The following SLC6A8 variants were observed in gnomAD, a reference collection of about 807,000 sequenced individuals.
SLC6A8 encodes the protein sodium- and chloride-dependent creatine transporter 1.
Under a neutral mutation model 48.3 loss-of-function variants are expected in SLC6A8, and 6 were observed. The ratio of observed to expected loss-of-function variants is 0.12; its 90% CI spans 0.07 to 0.25. The LOEUF is 0.25. Ranked by LOEUF, SLC6A8 falls within the 10% of genes least tolerant of loss-of-function variation. The pLI is 1.00. For missense variants in SLC6A8, 260 were observed against 551.5 expected (o/e 0.47, Z 5.29); for synonymous variants, 245 against 244.0 (o/e 1.00, Z -0.04).
chrX:153,688,852 C>T lies in SLC6A8; in HGVS notation c.262+16C>T, dbSNP rs1557043870. 1 of 1,057,022 alleles carries T rather than the reference C, an allele frequency of 9.5e-7. No homozygotes were observed. Among genetic ancestry groups the T allele is most frequent in the Non-Finnish European group, 1.2e-6 (1 of 801,142 alleles). 87.1% of individuals were successfully genotyped at this position (1,057,022 alleles called of 1,213,427 possible). On this transcript the variant is annotated intron_variant, in intron 1 of 12. Coordinates refer to ENST00000253122, the MANE Select transcript of SLC6A8 (RefSeq NM_005629.4). ...AACGGCGGAGGTGAGTTCCCCCGCCCGCCGCGGCCTCCTCCCCCAGCAGGC... is the reference window on the plus strand; with the variant it reads ...AACGGCGGAGGTGAGTTCCCCCGCCTGCCGCGGCCTCCTCCCCCAGCAGGC...
At position 153,692,192 on chromosome X, in the gene SLC6A8, G is replaced by A. The variant is rs2091459720; in HGVS notation, c.777+85G>A. The A allele has an allele frequency of 7.2e-6, 7 of 978,832 alleles. No homozygotes were observed. In the Middle Eastern group the frequency reaches 1.3e-3, roughly 181 times the overall value. The allele number at this position is 978,832 out of a possible 1,213,427, so 80.7% of individuals were successfully genotyped here. On this transcript the variant is annotated intron_variant, in intron 4 of 12. Transcript: ENST00000253122. ...CCAGGCACACCTGTGGCAACGGGAG[G>A]TGACCAGACAGAGTCTAGCCCTAAG...
At chrX:153,693,208 G>T in intron 5 of SLC6A8, 33 bp downstream of exon 5, 9 of 1,209,033 alleles carry the variant, frequency 7.4e-6, no homozygotes, top group Non-Finnish European at 1.0e-5. Context: ...GCAGCAGGGC[G>T]CTGCGGGGGA....
chrX:153,693,823 C>T (rs782292659), intron 7 of SLC6A8, 82 bp from the exon 8 acceptor site: 21 of 882,977 alleles, frequency 2.4e-5, no homozygotes, highest in East Asian at 1.4e-4. Flanking sequence ...TGGGCATGGG[C>T]GCGAGTGTTG....
At chrX:153,694,103 G>C (rs782145329) in intron 8 of SLC6A8, 27 bp from the exon 9 acceptor site, 24 of 1,206,907 alleles carry the variant, frequency 2.0e-5, no homozygotes, top group Admixed American at 2.0e-4. Flanking sequence ...GCGGTGCGGG[G>C]CTCGGCCTGA....
intron 11 of SLC6A8, 29 bp downstream of exon 11, chrX:153,694,662 G>A (rs376387588): frequency 1.7e-4 from 203 of 1,193,468 alleles, no homozygotes; most frequent in African/African-American, 2.3e-4. Context: ...GGGGCAGGGC[G>A]GGGGGCGAGG....
rs1557043838 is a variant in SLC6A8, at chrX:153,688,720, T to C, written c.146T>C (p.Val49Ala). 1.8e-6 allele frequency: 2 copies of C among 1,132,167 alleles called. No homozygotes were observed. 93.3% of individuals were successfully genotyped at this position (1,132,167 alleles called of 1,213,427 possible). A position where few individuals can be genotyped will look rare whatever the true frequency, so the allele number is the denominator to read the frequency against. Residue 49 changes from valine to alanine, a missense_variant, in exon 1 of 13, where the codon GTG becomes GCG. Physicochemically the swap from Val to Ala is moderately conservative, Grantham distance 64 (BLOSUM62 0). This residue lies in a region of SLC6A8 where 50 missense variants were observed against 55.1 expected (regional missense o/e 0.91). Coordinates refer to ENST00000253122, the MANE Select transcript of SLC6A8 (RefSeq NM_005629.4). The part of the protein sequence containing the change: ...GLGTPGGRLA[V>A]PPRETWTRQM... Reference sequence around the variant, plus strand: ...GGGACACCCGGCGGCCGCCTGGCCGTGCCGCCGCGCGAGACCTGGACGCGC... The same window carrying C: ...GGGACACCCGGCGGCCGCCTGGCCGCGCCGCCGCGCGAGACCTGGACGCGC...
At chrX:153,692,153 G>T in intron 4 of SLC6A8, 46 bp downstream of exon 4, 1 of 1,163,457 alleles carries the variant, frequency 8.6e-7, no homozygotes, top group Non-Finnish European at 1.2e-6. Context: ...AGCCCTGGGA[G>T]CCGGATGTCT....
intron 3 of SLC6A8, among the ~76,000 whole-genome samples, 166 bp downstream of exon 3, chrX:153,691,719 G>A (rs1222656235): frequency 8.9e-6 from 1 of 112,879 alleles, no homozygotes; most frequent in African/African-American, 3.2e-5. Flanking sequence ...GGCCAGCCTC[G>A]CTCCTGGGTT....
rs1299909544 is a variant in SLC6A8 at position 153,695,483 on chromosome X, C to T, written c.*269C>T. 4.3e-5 allele frequency: 17 copies of T among 390,987 alleles called. No homozygotes were observed. The highest frequency in any genetic ancestry group is 6.3e-5 in the Non-Finnish European group (14 of 221,697). The allele number at this position is 390,987 out of a possible 1,213,427, so 32.2% of individuals were successfully genotyped here. A position where few individuals can be genotyped will look rare whatever the true frequency, so the allele number is the denominator to read the frequency against. On this transcript the variant is annotated 3_prime_UTR_variant, in exon 13 of 13. Transcript: ENST00000253122. The stretch of plus-strand genomic sequence containing the variant: ...TAGGCCCCGCCTAGTGCCCCACCCC[C>T]ACCCACAGTGCTGCACTCCTCCTGC...
chrX:153,688,543 AC>A lies in SLC6A8; in HGVS notation c.-28del, dbSNP rs1374260374. 2 of 826,493 alleles carry A rather than the reference AC, an allele frequency of 2.4e-6. No homozygotes were observed. The highest frequency in any genetic ancestry group is 1.3e-4 in the Admixed American group (2 of 15,946). The allele number at this position is 826,493 out of a possible 1,213,427, so 68.1% of individuals were successfully genotyped here. On this transcript the variant is annotated 5_prime_UTR_variant, in exon 1 of 13. Transcript: ENST00000253122. ...CCGCCGCCCCCCGTGAGGCGCCGCGACCCCGGCCCGGCCGTGCGGCCCGCCG... is the reference window on the plus strand; with the variant it reads ...CCGCCGCCCCCCGTGAGGCGCCGCGACCCGGCCCGGCCGTGCGGCCCGCCG...
At chrX:153,692,683 A>G (rs1557044782) in intron 4 of SLC6A8, 1 of 360,580 alleles carries the variant, frequency 2.8e-6, no homozygotes. Context: ...CCCGGATCCA[A>G]TATCCCGCTC....
At chrX:153,692,702 G>A (rs1603216277) in intron 4 of SLC6A8, 1 of 376,633 alleles carries the variant, frequency 2.7e-6, no homozygotes, top group Non-Finnish European at 5.0e-6. Flanking sequence ...TCCCTGCCTG[G>A]GCCTCCCACA....
At position 153,693,433 on chromosome X, in the gene SLC6A8, C is replaced by T. The variant is rs782329134; in HGVS notation, c.1017-29C>T. On this transcript the variant is annotated intron_variant, in intron 6 of 12. Transcript: ENST00000253122. ...GCCCCGCCCTGCCCAGCAGCCTAAC[C>T]CATCCACTCTGGCCCCTCCACCCCT... 18 of 1,209,117 alleles carry T rather than the reference C, an allele frequency of 1.5e-5. No individual in the cohort carries two copies. In the South Asian group the frequency reaches 3.2e-4, roughly 21 times the overall value.
chrX:153,690,892 A>ACCCCCCCCCCC (rs34305716), intron 2 of SLC6A8: 4 of 139,211 alleles, frequency 2.9e-5, no homozygotes, highest in African/African-American at 2.2e-4. Context: ...GCGACTAGAA[A>ACCCCCCCCCCC]CCCCCCCCCC....
chrX:153,693,404 C>T, intron 6 of SLC6A8, 38 bp downstream of exon 6: 1 of 1,204,339 alleles, frequency 8.3e-7, no homozygotes, highest in Non-Finnish European at 1.1e-6. Flanking sequence ...CCCTGTCCTG[C>T]CCTGCCCCGC....
At chrX:153,693,795 G>A in intron 7 of SLC6A8, 110 bp from the exon 8 acceptor site, 1 of 810,780 alleles carries the variant, frequency 1.2e-6, no homozygotes, top group Non-Finnish European at 1.8e-6. Context: ...AGGGTTGACA[G>A]CGCCTCTGAG....
chrX:153,692,993 G>C (rs2091465334), intron 4 of SLC6A8, 48 bp from the exon 5 acceptor site: 1 of 1,206,433 alleles, frequency 8.3e-7, no homozygotes, highest in Non-Finnish European at 1.1e-6. Context: ...GAGTGGGGGT[G>C]TGAGGGAGGT....
chrX:153,688,656 G>A lies in SLC6A8; in HGVS notation c.82G>A (p.Asp28Asn). The A allele has an allele frequency of 2.8e-6, 3 of 1,081,032 alleles. No homozygotes were observed. Among genetic ancestry groups the A allele is most frequent in the South Asian group, 2.2e-5 (1 of 46,078 alleles). 89.1% of individuals were successfully genotyped at this position (1,081,032 alleles called of 1,213,427 possible). Residue 28 changes from aspartate to asparagine, a missense_variant, in exon 1 of 13, where the codon GAC (aspartate) becomes AAC (asparagine). By Grantham distance (23) the Asp-to-Asn change is conservative. Around this residue, in one of 7 missense-constraint regions of SLC6A8, gnomAD observed 50 missense variants for 55.1 expected, o/e 0.91. Transcript: ENST00000253122. Reference protein sequence around the residue: ...KKGPLIAPGPDGAPAKGDGPV... With the variant: ...KKGPLIAPGPNGAPAKGDGPV... ...GGGCCCCCTCATCGCGCCCGGGCCCGACGGGGCCCCGGCCAAGGGCGACGG... is the reference window on the plus strand; with the variant it reads ...GGGCCCCCTCATCGCGCCCGGGCCCAACGGGGCCCCGGCCAAGGGCGACGG...
chrX:153,695,216 A>C lies in SLC6A8; in HGVS notation c.*2A>C. On this transcript the variant is annotated 3_prime_UTR_variant, in exon 13 of 13. Transcript: ENST00000253122. Reference sequence around the variant, plus strand: ...GTCGTGGTGGAGAGTGTCATGTGACAACTCAGCTCACATCACCAGCTCACC... The same window carrying C: ...GTCGTGGTGGAGAGTGTCATGTGACCACTCAGCTCACATCACCAGCTCACC... 8.5e-7 allele frequency: 1 copy of C among 1,180,343 alleles called. No homozygotes were observed. Among genetic ancestry groups the C allele is most frequent in the Non-Finnish European group, 1.1e-6 (1 of 878,868 alleles).
Sources: gnomAD v4.1 joint callset for allele counts (sites outside exome capture counted in the v4.1 genomes callset) on GRCh38, gnomAD v4.1.1 for gene constraint, gnomAD v4.1.1 regional missense constraint, MANE v1.5 for transcripts, NCBI Gene and HGNC (gene_info 2026-07-23, HGNC 2026-07-21) for gene names.